ATAD2B: variants seen among roughly 807,000 people sequenced by gnomAD.
The protein encoded by ATAD2B is ATPase family AAA domain containing 2B, also known as ATPase family AAA domain-containing protein 2B.
ATAD2B carries 40 observed loss-of-function variants against 167.6 expected under a neutral mutation model. The observed-to-expected ratio is 0.24, with a 90% CI of 0.19 to 0.31. ATAD2B has a LOEUF of 0.31. Ranked by LOEUF, ATAD2B falls within the 10% of genes least tolerant of loss-of-function variation. The pLI is 1.00. For missense variants in ATAD2B, 1,242 were observed against 1,757.2 expected, an observed-to-expected ratio of 0.71 and a Z score of 5.24; for synonymous variants, 579 against 596.5, an observed-to-expected ratio of 0.97 and a Z score of 0.43.
intron 14 of ATAD2B, among the ~76,000 whole-genome samples, chr2:23,830,540 C>A (rs1688884056): frequency 6.6e-6 from 1 of 152,132 alleles, no homozygotes; most frequent in Non-Finnish European, 1.5e-5. Context: ...AGCAACAAAA[C>A]AGAACAACTT....
chr2:23,696,307 C>G, the ATAD2B span: 1 of 1,550,228 alleles, frequency 6.5e-7, no homozygotes, highest in Non-Finnish European at 8.7e-7. This position sits in a 1 kb window ranked among gnomAD's most constrained non-coding sequence, Gnocchi z 5.5. Flanking sequence ...CCCGCCCGCT[C>G]TCTCTGCCTC....
At chr2:23,805,678 A>T (rs1355793940) in intron 18 of ATAD2B, among the ~76,000 whole-genome samples, 4 of 152,060 alleles carry the variant, frequency 2.6e-5, no homozygotes, top group Admixed American at 6.6e-5. Flanking sequence ...ACACTACACC[A>T]ATGTGGTACT....
chr2:23,696,155 G>A, the ATAD2B span: 4 of 1,546,388 alleles, frequency 2.6e-6, no homozygotes, highest in African/African-American at 1.4e-5. The surrounding 1 kb of genome is among the most constrained non-coding windows in gnomAD (Gnocchi z 5.5). Context: ...CGGGGTTGGG[G>A]CGGGACCAGG....
At chr2:23,744,271 C>T (rs1674680347), downstream of ATAD2B, among the ~76,000 whole-genome samples, 1 of 149,852 alleles carries the variant, frequency 6.7e-6, no homozygotes, top group South Asian at 2.1e-4. Context: ...AAACAATTGG[C>T]TCCTGGGAGA....
Position 23,823,372 on chromosome 2 carries a change from G to A in ATAD2B, c.2017C>T (p.His673Tyr), listed in dbSNP as rs778302879. 1.9e-6 allele frequency: 3 copies of A among 1,613,926 alleles called. No homozygotes were observed. Among genetic ancestry groups the A allele is most frequent in the Non-Finnish European group, 2.5e-6 (3 of 1,179,856 alleles). Residue 673 changes from histidine to tyrosine, a missense_variant, in exon 16 of 28, where the codon CAT becomes TAT. Physicochemically the swap from His to Tyr is moderately conservative, Grantham distance 83. Coordinates refer to ENST00000238789, the MANE Select transcript of ATAD2B (RefSeq NM_017552.4). ...ASQRAVMSSG[H>Y]ALSPIIRPLL... ...GGTCTTATGATGGGGGATAGTGCAT[G>A]CCCTGAAGACATCACAGCACGTTGG... is the stretch of plus-strand genomic sequence containing the variant.
chr2:23,850,006 G>T (rs1032120694), intron 13 of ATAD2B, among the ~76,000 whole-genome samples: 1 of 151,954 alleles, frequency 6.6e-6, no homozygotes, highest in Non-Finnish European at 1.5e-5. Flanking sequence ...AGCTGGGTGT[G>T]GTGGCATGCC....
intron 12 of ATAD2B, among the ~76,000 whole-genome samples, chr2:23,859,420 C>T (rs1693979896): frequency 6.6e-6 from 1 of 152,192 alleles, no homozygotes; most frequent in Non-Finnish European, 1.5e-5. Flanking sequence ...TCAATTCTCC[C>T]GCCTCAGCCA....
intron 19 of ATAD2B, among the ~76,000 whole-genome samples, chr2:23,790,717 C>A (rs1452251915): frequency 6.6e-6 from 1 of 152,212 alleles, no homozygotes; most frequent in African/African-American, 2.4e-5. Context: ...TTGGTTCACA[C>A]TGGTTGTGAT....
the ATAD2B span, among the ~76,000 whole-genome samples, chr2:23,736,365 AGATAGCAAG>A: frequency 6.6e-6 from 1 of 152,204 alleles, no homozygotes; most frequent in Non-Finnish European, 1.5e-5. Flanking sequence ...AAATAGGAGC[AGATAGCAAG>A]GAATTACCAA....
chr2:23,815,956 G>C (rs190582548), intron 17 of ATAD2B, among the ~76,000 whole-genome samples: 60 of 152,138 alleles, frequency 3.9e-4, no homozygotes, highest in African/African-American at 1.4e-3. Context: ...AGTTAAATGA[G>C]GGCCAGGATC....
At chr2:23,737,488 T>A in the ATAD2B span, among the ~76,000 whole-genome samples, 1 of 152,290 alleles carries the variant, frequency 6.6e-6, no homozygotes, top group Admixed American at 6.5e-5. Context: ...CTGAGGGTCC[T>A]CTCTGTTAGA....
At chr2:23,797,329 G>T (rs974594887) in intron 19 of ATAD2B, among the ~76,000 whole-genome samples, 1 of 152,030 alleles carries the variant, frequency 6.6e-6, no homozygotes, top group African/African-American at 2.4e-5. Flanking sequence ...TTTCACTCAA[G>T]TAAGATGATC....
In ATAD2B at chr2:23,807,677, A is replaced by G. The variant is rs578159025; in HGVS notation, c.2454+2639T>C. On this transcript the variant is annotated intron_variant, in intron 18 of 27. Coordinates refer to ENST00000238789, the MANE Select transcript of ATAD2B (RefSeq NM_017552.4). ...TAAAAATACAAAAAATTAGCTGGGC[A>G]TGGTGGCACGCACCTGTAGTCCCAG... 1.4e-3 allele frequency among the ~76,000 whole-genome samples: 218 copies of G among 151,544 alleles called. 1 individual carries two copies. The highest frequency in any genetic ancestry group is 6.8e-3 in the Middle Eastern group (2 of 292).
At chr2:23,910,922 A>T (rs1702202839) in intron 1 of ATAD2B, among the ~76,000 whole-genome samples, 1 of 151,448 alleles carries the variant, frequency 6.6e-6, no homozygotes, top group Non-Finnish European at 1.5e-5. Context: ...CACGTTAAAG[A>T]GTCTGTAGTT....
chr2:23,821,459 T>G (rs1687436895), intron 16 of ATAD2B, among the ~76,000 whole-genome samples: 1 of 152,238 alleles, frequency 6.6e-6, no homozygotes, highest in South Asian at 2.1e-4. Context: ...CAGTAAAATA[T>G]TCATTCCCCT....
chr2:23,785,032 A>T (rs932129270), intron 21 of ATAD2B, among the ~76,000 whole-genome samples: 1 of 152,066 alleles, frequency 6.6e-6, no homozygotes, highest in African/African-American at 2.4e-5. Flanking sequence ...TTGTGGATAA[A>T]GGTACAAATA....
At chr2:23,920,083 G>A (rs1055212048) in intron 1 of ATAD2B, among the ~76,000 whole-genome samples, 19 of 151,306 alleles carry the variant, frequency 1.3e-4, no homozygotes, top group African/African-American at 2.9e-4. Context: ...CCCGCGAAGC[G>A]GAGGTTGCAG....
chr2:23,765,181 C>CT (rs1677239364), intron 23 of ATAD2B, among the ~76,000 whole-genome samples: 2 of 152,136 alleles, frequency 1.3e-5, no homozygotes, highest in South Asian at 4.1e-4. Flanking sequence ...AGAAAGTAAA[C>CT]TGATGAAAAA....
chr2:23,727,678 G>A, the ATAD2B span, among the ~76,000 whole-genome samples: 1 of 152,146 alleles, frequency 6.6e-6, no homozygotes, highest in African/African-American at 2.4e-5. Context: ...TGCTTCAACA[G>A]GTGAATGGAT....
Sources: gnomAD v4.1 joint callset for allele counts (sites outside exome capture counted in the v4.1 genomes callset) on GRCh38, gnomAD v4.1.1 for gene constraint, Gnocchi (gnomAD v3.1) non-coding constraint, MANE v1.5 for transcripts, NCBI Gene and HGNC (gene_info 2026-07-23, HGNC 2026-07-21) for gene names.